The following SORCS1 variants were observed in gnomAD, a reference collection of about 807,000 sequenced individuals.
SORCS1 encodes VPS10 domain-containing receptor SorCS1.
A neutral mutation model predicts 146.1 loss-of-function variants in SORCS1; 60 were observed. The observed-to-expected ratio is 0.41, with a 90% confidence interval of 0.33 to 0.51. SORCS1 has a LOEUF of 0.51. SORCS1 is among the 20% of genes least tolerant of loss of function. The pLI is 0.21. For synonymous variants in SORCS1, 637 were observed against 584.0 expected, an observed-to-expected ratio of 1.09 and a Z score of -1.31; for missense variants, 1,352 against 1,487.6, an observed-to-expected ratio of 0.91 and a Z score of 1.50.
chr10:107,041,412 A>G (rs1959146988), intron 1 of SORCS1, among the ~76,000 whole-genome samples: 1 of 152,026 alleles, frequency 6.6e-6, no homozygotes, highest in Non-Finnish European at 1.5e-5. Flanking sequence ...ATTAAAAAAA[A>G]AAAAAAAGAA....
At chr10:107,133,786 A>C (rs1378629291) in intron 1 of SORCS1, among the ~76,000 whole-genome samples, 9 of 152,324 alleles carry the variant, frequency 5.9e-5, no homozygotes, top group East Asian at 1.9e-4. Context: ...TGTGCCAACC[A>C]AAAACAAATC....
chr10:107,109,354 G>A (rs543556145), intron 1 of SORCS1, among the ~76,000 whole-genome samples: 23 of 152,322 alleles, frequency 1.5e-4, no homozygotes, highest in African/African-American at 5.5e-4. Context: ...CTAGACGGAG[G>A]CCAAGCCTCC....
intron 5 of SORCS1, among the ~76,000 whole-genome samples, chr10:106,756,647 GA>G (rs1159737285): frequency 3.3e-5 from 5 of 152,134 alleles, no homozygotes; most frequent in Admixed American, 6.5e-5. Flanking sequence ...GAAACAATCT[GA>G]ACTCCTTGGA....
chr10:106,857,134 C>G (rs1372886888), intron 2 of SORCS1, among the ~76,000 whole-genome samples: 1 of 152,120 alleles, frequency 6.6e-6, no homozygotes, highest in Non-Finnish European at 1.5e-5. Flanking sequence ...CCCCCAGATC[C>G]CCAGTCCCCA....
intron 3 of SORCS1, among the ~76,000 whole-genome samples, chr10:106,806,452 A>G (rs545682926): frequency 6.9e-6 from 1 of 145,840 alleles, no homozygotes; most frequent in South Asian, 2.1e-4. Flanking sequence ...GCGTCTACCT[A>G]CCCATGGATA....
intron 1 of SORCS1, among the ~76,000 whole-genome samples, chr10:107,068,032 T>C (rs943782038): frequency 6.6e-6 from 1 of 152,136 alleles, no homozygotes. Context: ...AATAGTTTTG[T>C]TAGCCCTCTT....
At chr10:106,928,156 G>A (rs1015064623) in intron 2 of SORCS1, among the ~76,000 whole-genome samples, 3 of 152,238 alleles carry the variant, frequency 2.0e-5, no homozygotes, top group African/African-American at 7.2e-5. Flanking sequence ...TGGAGCAGGC[G>A]GCGGCGCTCG....
chr10:106,792,859 C>T (rs917853480), intron 3 of SORCS1, among the ~76,000 whole-genome samples: 3 of 151,782 alleles, frequency 2.0e-5, no homozygotes, highest in Admixed American at 1.3e-4. Context: ...TTTTAGAATC[C>T]TTTTTTAGGC....
intron 22 of SORCS1, among the ~76,000 whole-genome samples, chr10:106,611,499 T>G (rs942542313): frequency 6.6e-6 from 1 of 152,238 alleles, no homozygotes; most frequent in African/African-American, 2.4e-5. Context: ...CTGGGACCAC[T>G]CTTACTAATT....
intron 8 of SORCS1, among the ~76,000 whole-genome samples, chr10:106,704,011 T>C (rs1854325259): frequency 6.6e-6 from 1 of 152,202 alleles, no homozygotes; most frequent in Non-Finnish European, 1.5e-5. Flanking sequence ...CAGATGCAAA[T>C]TTGGGTTCAA....
At chr10:106,706,690 C>A in intron 7 of SORCS1, 56 bp from the exon 8 acceptor site, 3 of 1,503,790 alleles carry the variant, frequency 2.0e-6, no homozygotes, top group South Asian at 2.3e-5. Flanking sequence ...AGGCACAGGT[C>A]ACAGAACAGT....
intron 17 of SORCS1, among the ~76,000 whole-genome samples, chr10:106,653,629 T>G (rs945808954): frequency 1.3e-5 from 2 of 152,206 alleles, no homozygotes; most frequent in African/African-American, 4.8e-5. Context: ...TGGCATAGTT[T>G]TCCAATGCGT....
At chr10:107,041,078 T>C (rs955678968) in intron 1 of SORCS1, among the ~76,000 whole-genome samples, 1 of 152,254 alleles carries the variant, frequency 6.6e-6, no homozygotes, top group Middle Eastern at 3.4e-3. Context: ...TAAGGTAGAT[T>C]TACATGTACT....
At position 106,688,390 on chromosome 10, in the gene SORCS1, T is replaced by C. The variant is rs746440445; in HGVS notation, c.1414-52A>G. 6.4e-6 allele frequency: 10 copies of C among 1,573,596 alleles called. 1 individual carries two copies. In the Admixed American group the frequency reaches 1.1e-4, roughly 18 times the overall value. ...ATACATCAATTTGAGAAGGGATATA[T>C]TTGTTTACTTTTTAAAAAAAGAAGG... On this transcript the variant is annotated intron_variant, in intron 9 of 25. Coordinates refer to ENST00000263054, the MANE Select transcript of SORCS1 (RefSeq NM_052918.5).
rs1851258993 is a variant in SORCS1 at position 106,667,580 on chromosome 10, G to A, written c.2303+109C>T. ...AAATGAACAAAAGCAATTACATTGTGCTGTAAGGAAATATGCTTGGTCCTT... is the reference window on the plus strand; with the variant it reads ...AAATGAACAAAAGCAATTACATTGTACTGTAAGGAAATATGCTTGGTCCTT... On this transcript the variant is annotated intron_variant, in intron 17 of 25. Transcript: ENST00000263054. The A allele has an allele frequency of 4.2e-6, 3 of 716,340 alleles. No homozygotes were observed. In the Admixed American group the frequency reaches 6.8e-5, roughly 16 times the overall value. 44.4% of individuals were successfully genotyped at this position (716,340 alleles called of 1,614,324 possible).
At chr10:107,012,009 G>GT (rs1453199308) in intron 1 of SORCS1, among the ~76,000 whole-genome samples, 1 of 152,150 alleles carries the variant, frequency 6.6e-6, no homozygotes, top group Non-Finnish European at 1.5e-5. Context: ...CATTTTTTTA[G>GT]TAATTTTTAA....
At chr10:107,177,299 G>C in the SORCS1 span, among the ~76,000 whole-genome samples, 11,473 of 152,042 alleles carry the variant, frequency 0.075, 472 homozygotes, top group African/African-American at 0.11. Context: ...GATAACTGTA[G>C]ATTCACAGTA....
In SORCS1 at chr10:106,960,118, T is replaced by C. The variant is rs1955150943; in HGVS notation, c.559-3538A>G. ...AAAACAAGTGGTCACAATATGGTAC[T>C]AGCTTTTTAAGGTTCCTCTCTAAAT... On this transcript the variant is annotated intron_variant, in intron 1 of 25. Transcript: ENST00000263054. The surrounding 1 kb of genome is among the most constrained non-coding windows in gnomAD (Gnocchi z 4.4). 6.6e-6 allele frequency among the ~76,000 whole-genome samples: 1 copy of C among 152,262 alleles called. No homozygotes were observed. The highest frequency in any genetic ancestry group is 1.5e-5 in the Non-Finnish European group (1 of 68,048).
At chr10:107,174,936 A>G in the SORCS1 span, among the ~76,000 whole-genome samples, 20 of 152,288 alleles carry the variant, frequency 1.3e-4, no homozygotes, top group South Asian at 4.1e-3. Flanking sequence ...ACTTTATTAT[A>G]TTAATTTTTT....
Sources: gnomAD v4.1 joint callset for allele counts (sites outside exome capture counted in the v4.1 genomes callset) on GRCh38, gnomAD v4.1.1 for gene constraint, Gnocchi (gnomAD v3.1) non-coding constraint, MANE v1.5 for transcripts, NCBI Gene and HGNC (gene_info 2026-07-23, HGNC 2026-07-21) for gene names.